Variants in ULK4 observed in about 807,000 individuals in gnomAD.
ULK4 encodes the protein unc-51 like kinase 4.
In ULK4, 133 loss-of-function variants were observed where a neutral mutation model predicts 160.6. The ratio of observed to expected loss-of-function variants is 0.83; its 90% CI spans 0.72 to 0.96. The LOEUF (loss-of-function observed/expected upper bound fraction) is 0.96. Among genes scored for constraint, ULK4 ranks in the 40% least tolerant of loss-of-function variants. The pLI, the probability that ULK4 is intolerant of heterozygous loss-of-function variation, is 0.00. For synonymous variants in ULK4, 534 were observed against 539.8 expected, an observed-to-expected ratio of 0.99 and a Z score of 0.15; for missense variants, 1,580 against 1,499.5, an observed-to-expected ratio of 1.05 and a Z score of -0.89.
intron 34 of ULK4, among the ~76,000 whole-genome samples, chr3:41,409,962 A>G (rs570679201): frequency 5.9e-5 from 9 of 151,848 alleles, no homozygotes; most frequent in African/African-American, 1.7e-4. Context: ...AAAAAAAAAG[A>G]AAAGAAAATG....
intron 33 of ULK4, 145 bp downstream of exon 33, chr3:41,462,942 G>C: frequency 1.0e-6 from 1 of 981,884 alleles, no homozygotes; most frequent in East Asian, 2.8e-5. Flanking sequence ...ACCCAAAGAT[G>C]ACTCTTCAGA....
chr3:41,750,986 AAG>A (rs201841473), intron 22 of ULK4, among the ~76,000 whole-genome samples: 3 of 127,710 alleles, frequency 2.3e-5, no homozygotes, highest in Non-Finnish European at 4.9e-5. Flanking sequence ...GAGAGAGAGA[AAG>A]AGAGAGAGAG....
chr3:41,955,234 G>C (rs1700442262), intron 1 of ULK4, among the ~76,000 whole-genome samples: 1 of 152,196 alleles, frequency 6.6e-6, no homozygotes, highest in Non-Finnish European at 1.5e-5. Flanking sequence ...AGGCTGCAGT[G>C]AGCCGAGATC....
chr3:41,358,472 C>T (rs913775772), intron 35 of ULK4, among the ~76,000 whole-genome samples: 23 of 152,090 alleles, frequency 1.5e-4, no homozygotes, highest in Non-Finnish European at 2.2e-4. Flanking sequence ...GAGAAAGGGG[C>T]GCCTGTTCCT....
At chr3:41,919,949 C>T (rs1699128735) in intron 5 of ULK4, 131 bp from the exon 6 acceptor site, 1 of 511,182 alleles carries the variant, frequency 2.0e-6, no homozygotes, top group Non-Finnish European at 3.5e-6. Flanking sequence ...ACTTCATGTG[C>T]ATTTCACATT....
At chr3:41,885,799 C>T (rs569371096) in intron 16 of ULK4, among the ~76,000 whole-genome samples, 4 of 152,170 alleles carry the variant, frequency 2.6e-5, no homozygotes, top group Non-Finnish European at 5.9e-5. Context: ...CCAGCTGAGC[C>T]TCCCAAGTAG....
chr3:41,439,881 T>C (rs79888858), intron 34 of ULK4, among the ~76,000 whole-genome samples: 3,810 of 152,316 alleles, frequency 0.025, 79 homozygotes, highest in Non-Finnish European at 0.038. Flanking sequence ...TCCACATATG[T>C]AGAAGTCCTT....
chr3:41,637,964 A>G (rs1559450261), intron 30 of ULK4, among the ~76,000 whole-genome samples: 1 of 152,130 alleles, frequency 6.6e-6, no homozygotes, highest in Non-Finnish European at 1.5e-5. Context: ...CGGTTTACAA[A>G]TATTTTCTCC....
At chr3:41,731,221 A>G (rs1162988724) in intron 22 of ULK4, among the ~76,000 whole-genome samples, 2 of 151,562 alleles carry the variant, frequency 1.3e-5, no homozygotes, top group African/African-American at 4.8e-5. Context: ...AGAAAAAAAA[A>G]GGGACTCCAA....
intron 35 of ULK4, among the ~76,000 whole-genome samples, chr3:41,268,226 T>C (rs992951513): frequency 1.3e-5 from 2 of 152,146 alleles, no homozygotes; most frequent in African/African-American, 2.4e-5. Context: ...GGCTAGACCA[T>C]CTGATCCATG....
rs58001920 is a variant in ULK4, at chr3:41,906,216, C to CAAAAAAAAAA, written c.1182+1619_1182+1628dup. Among the ~76,000 whole-genome samples, 32 of 67,100 alleles carry CAAAAAAAAAA rather than the reference C, an allele frequency of 4.8e-4. 2 individuals are homozygous for CAAAAAAAAAA. The highest frequency in any genetic ancestry group is 2.0e-3 in the East Asian group (3 of 1,488). 44.0% of individuals were successfully genotyped at this position (67,100 alleles called of 152,430 possible). On this transcript the variant is annotated intron_variant, in intron 12 of 36. Transcript: ENST00000301831. The stretch of plus-strand genomic sequence containing the variant: ...TGGGCGACAGAGCGAGACTCCGTCT[C>CAAAAAAAAAA]AAAAAAAAAAAAAAAAAAAAAGTTA...
intron 2 of ULK4, 51 bp from the exon 3 acceptor site, chr3:41,938,248 C>A (rs1202153331): frequency 1.4e-6 from 2 of 1,442,480 alleles, no homozygotes; most frequent in South Asian, 1.2e-5. Flanking sequence ...AAAACTCTTA[C>A]ATCTACTGAG....
chr3:41,359,516 G>A (rs2081098801), intron 35 of ULK4, among the ~76,000 whole-genome samples: 1 of 152,172 alleles, frequency 6.6e-6, no homozygotes, highest in African/African-American at 2.4e-5. Flanking sequence ...GGGAGAGAGT[G>A]TTCCTGAAGC....
At chr3:41,803,253 T>C (rs1003058263) in intron 19 of ULK4, among the ~76,000 whole-genome samples, 2 of 150,888 alleles carry the variant, frequency 1.3e-5, no homozygotes, top group African/African-American at 5.0e-5. Context: ...ATTAACTCAC[T>C]TGGACATTTA....
At chr3:41,372,060 C>T (rs540710947) in intron 35 of ULK4, among the ~76,000 whole-genome samples, 1 of 151,560 alleles carries the variant, frequency 6.6e-6, no homozygotes, top group African/African-American at 2.4e-5. Flanking sequence ...TGAAGATCAA[C>T]TTAATGAAAT....
intron 16 of ULK4, among the ~76,000 whole-genome samples, chr3:41,889,342 G>A (rs1190376344): frequency 6.6e-6 from 1 of 151,878 alleles, no homozygotes; most frequent in Non-Finnish European, 1.5e-5. Flanking sequence ...GGACCAATCA[G>A]ACAAAAAGAA....
intron 9 of ULK4, 60 bp from the exon 10 acceptor site, chr3:41,911,719 T>C (rs1698792901): frequency 7.8e-7 from 1 of 1,275,724 alleles, no homozygotes; most frequent in Non-Finnish European, 1.1e-6. Context: ...TAGTTTTATG[T>C]TAGAGAAAAA....
intron 8 of ULK4, 129 bp from the exon 9 acceptor site, chr3:41,913,028 T>A: frequency 1.4e-6 from 1 of 724,466 alleles, no homozygotes; most frequent in Non-Finnish European, 2.2e-6. Flanking sequence ...ATTTTATATT[T>A]TATTATTTCA....
At chr3:41,678,074 A>G (rs2035789340) in intron 29 of ULK4, among the ~76,000 whole-genome samples, 1 of 152,044 alleles carries the variant, frequency 6.6e-6, no homozygotes, top group Non-Finnish European at 1.5e-5. Flanking sequence ...CAACTACACC[A>G]TCACAGGCTC....
Sources: allele counts gnomAD v4.1 joint callset (sites outside exome capture counted in the v4.1 genomes callset), GRCh38; gene constraint gnomAD v4.1.1; transcripts MANE v1.5; gene names NCBI Gene and HGNC (gene_info 2026-07-23, HGNC 2026-07-21).